The following CYRIB variants were observed in gnomAD, a reference collection of about 807,000 sequenced individuals.
The protein encoded by CYRIB is CYFIP-related Rac1 interactor B.
Under a neutral mutation model 44.2 loss-of-function variants are expected in CYRIB, and 8 were observed. The ratio of observed to expected loss-of-function variants is 0.18; its 90% confidence interval spans 0.11 to 0.33. The LOEUF (loss-of-function observed/expected upper bound fraction) is 0.33. Among genes scored for constraint, CYRIB ranks in the 10% least tolerant of loss-of-function variants. CYRIB has a pLI of 1.00. For missense variants in CYRIB, 185 were observed against 382.8 expected, an observed-to-expected ratio of 0.48 and a Z score of 4.31; for synonymous variants, 131 against 127.2, an observed-to-expected ratio of 1.03 and a Z score of -0.20.
At chr8:129,933,896 A>AAAAG (rs1554667692) in intron 1 of CYRIB, among the ~76,000 whole-genome samples, 8 of 150,470 alleles carry the variant, frequency 5.3e-5, no homozygotes, top group African/African-American at 2.0e-4. Context: ...ACAAAAAAAA[A>AAAAG]AAGAAGAAGA....
chr8:129,942,467 T>A (rs1158387498), upstream of CYRIB, among the ~76,000 whole-genome samples: 1 of 152,192 alleles, frequency 6.6e-6, no homozygotes, highest in African/African-American at 2.4e-5. Context: ...AGTAAGTTCT[T>A]CCATTACCCC....
intron 2 of CYRIB, among the ~76,000 whole-genome samples, chr8:129,958,048 T>C (rs573377503): frequency 3.1e-4 from 47 of 151,900 alleles, no homozygotes; most frequent in African/African-American, 1.1e-3. Flanking sequence ...TCCCAACTAC[T>C]TGGGAGGCTG....
intron 11 of CYRIB, among the ~76,000 whole-genome samples, chr8:129,845,032 G>A (rs910290277): frequency 1.3e-5 from 2 of 152,082 alleles, no homozygotes; most frequent in Non-Finnish European, 2.9e-5. Context: ...ACTGACAGGT[G>A]ACTCTTGCCT....
At chr8:129,940,481 C>G (rs552288156), upstream of CYRIB, among the ~76,000 whole-genome samples, 42 of 152,264 alleles carry the variant, frequency 2.8e-4, no homozygotes, top group African/African-American at 9.9e-4. Context: ...ATATATCAGA[C>G]CCCTGTTCTG....
intron 2 of CYRIB, among the ~76,000 whole-genome samples, chr8:129,896,060 CTCAG>C (rs1185846940): frequency 1.3e-5 from 2 of 152,132 alleles, no homozygotes; most frequent in African/African-American, 4.8e-5. Context: ...GTGTCAATTA[CTCAG>C]TGAGTTTTAT....
chr8:129,975,618 A>C (rs1266192976), intron 1 of CYRIB, among the ~76,000 whole-genome samples: 3 of 152,178 alleles, frequency 2.0e-5, no homozygotes, highest in African/African-American at 2.4e-5. Context: ...TGGGTTTGAG[A>C]CTTTTAAAGC....
chr8:129,879,677 T>C (rs1212484853), intron 2 of CYRIB: 3 of 486,270 alleles, frequency 6.2e-6, no homozygotes, highest in Admixed American at 7.9e-5. Flanking sequence ...GTGGTTTTCC[T>C]GTACACAATG....
upstream of CYRIB, among the ~76,000 whole-genome samples, chr8:129,943,090 G>GC (rs11305399): frequency 9.2e-4 from 56 of 60,774 alleles, no homozygotes; most frequent in Non-Finnish European, 7.7e-4. Flanking sequence ...CCGCCCACCC[G>GC]CCCCCCCGCA....
intron 6 of CYRIB, among the ~76,000 whole-genome samples, chr8:129,854,850 T>C (rs1053258737): frequency 3.3e-5 from 5 of 152,132 alleles, no homozygotes; most frequent in African/African-American, 1.2e-4. Context: ...TGGCAGAGTA[T>C]AAACTGGAAC....
chr8:129,982,329 G>C lies in CYRIB; in HGVS notation c.-295-11334C>G, dbSNP rs562252900. ...TCTGAACTATCCAATACCTTAGCTT[G>C]GGCCACATGTGGTTACTGAGCACTT... On this transcript the variant is annotated intron_variant, in intron 1 of 14. Transcript: ENST00000401979. 5.3e-5 allele frequency among the ~76,000 whole-genome samples: 8 copies of C among 152,302 alleles called. No individual in the cohort carries two copies. The South Asian group carries it at 1.7e-3, about 32-fold the overall frequency.
intron 11 of CYRIB, among the ~76,000 whole-genome samples, chr8:129,845,100 T>G (rs2039032663): frequency 6.6e-6 from 1 of 152,170 alleles, no homozygotes; most frequent in Non-Finnish European, 1.5e-5. Flanking sequence ...TGTGGGAGAC[T>G]TCAACCCTGT....
chr8:129,859,911 A>T (rs2048439013), intron 5 of CYRIB, among the ~76,000 whole-genome samples: 1 of 152,150 alleles, frequency 6.6e-6, no homozygotes, highest in Non-Finnish European at 1.5e-5. Context: ...TGCCGCCCAC[A>T]TTTACCAGGG....
chr8:129,881,696 T>TG (rs1247049544), intron 2 of CYRIB, among the ~76,000 whole-genome samples: 6 of 152,196 alleles, frequency 3.9e-5, no homozygotes, highest in African/African-American at 1.2e-4. Context: ...ATTCCCCCAA[T>TG]GGGGGAGGTG....
intron 2 of CYRIB, among the ~76,000 whole-genome samples, chr8:129,882,768 C>T (rs181899069): frequency 7.2e-5 from 11 of 152,154 alleles, no homozygotes; most frequent in African/African-American, 2.2e-4. Flanking sequence ...TCCAGGCACC[C>T]GAGGCTAATG....
chr8:130,006,594 T>TTATATATATATATATATA, intron 1 of CYRIB, among the ~76,000 whole-genome samples: 1 of 15,320 alleles, frequency 6.5e-5, no homozygotes, highest in Non-Finnish European at 1.0e-4. Context: ...AAAACACAAA[T>TTATATATATATATATATA]TATATATATA....
intron 2 of CYRIB, among the ~76,000 whole-genome samples, chr8:129,968,908 C>T (rs1040550786): frequency 3.3e-5 from 5 of 151,694 alleles, no homozygotes; most frequent in South Asian, 2.1e-4. Flanking sequence ...CTAGAGCCAC[C>T]GTGCCATTAA....
Position 129,983,273 on chromosome 8 carries a change from G to A in CYRIB, c.-295-12278C>T, listed in dbSNP as rs549979666. ...ATCCTGGCTAACACGGTGAAACCCCGTCTCTACTAAAAATACAAAAAATTA... is the reference window on the plus strand; with the variant it reads ...ATCCTGGCTAACACGGTGAAACCCCATCTCTACTAAAAATACAAAAAATTA... On this transcript the variant is annotated intron_variant, in intron 1 of 14. Coordinates refer to the CYRIB transcript ENST00000401979. 2.0e-3 allele frequency among the ~76,000 whole-genome samples: 303 copies of A among 152,024 alleles called. 3 individuals are homozygous for A. The highest frequency in any genetic ancestry group is 7.1e-3 in the African/African-American group (293 of 41,508).
intron 1 of CYRIB, among the ~76,000 whole-genome samples, chr8:129,975,039 C>T (rs1591534700): frequency 6.6e-6 from 1 of 152,096 alleles, no homozygotes; most frequent in African/African-American, 2.4e-5. Context: ...TGCCAGCACG[C>T]CCAGCTAATT....
intron 2 of CYRIB, chr8:129,902,862 G>T (rs1475975458): frequency 2.0e-5 from 3 of 151,616 alleles, no homozygotes; most frequent in Admixed American, 2.0e-4. Flanking sequence ...ACGATTCTTT[G>T]TTTCTAAAAA....
Sources: allele counts gnomAD v4.1 joint callset (sites outside exome capture counted in the v4.1 genomes callset), GRCh38; gene constraint gnomAD v4.1.1; transcripts MANE v1.5; gene names NCBI Gene and HGNC (gene_info 2026-07-23, HGNC 2026-07-21).